The following ARHGAP5 variants were observed in gnomAD, a reference collection of about 807,000 sequenced individuals.
ARHGAP5 encodes rho GTPase-activating protein 5.
ARHGAP5 carries 23 observed loss-of-function variants against 116.6 expected under a neutral mutation model. That is an observed-to-expected ratio of 0.20 (90% CI 0.14 to 0.28). The LOEUF (loss-of-function observed/expected upper bound fraction) is 0.28. ARHGAP5 is among the 10% of genes least tolerant of loss of function. ARHGAP5 has a pLI of 1.00. For missense variants in ARHGAP5, 1,405 were observed against 1,774.8 expected (o/e 0.79, Z 3.74); for synonymous variants, 574 against 602.0 (o/e 0.95, Z 0.68).
rs769651926 is a variant in ARHGAP5 at position 32,093,219 on chromosome 14, G to T, written c.2550G>T (p.Gly850=). The part of the protein sequence containing the change: ...IGVRKDELVH[G]YILVYSAKRK... ...TAAGAAAAGATGAACTAGTTCATGG[G>T]TATATATTAGTTTACTCTGCAAAAC... Residue 850 remains glycine, a synonymous_variant, in exon 2 of 7, where the codon GGG becomes GGT. Coordinates refer to ENST00000345122, the MANE Select transcript of ARHGAP5 (RefSeq NM_001030055.2). The T allele has an allele frequency of 1.9e-6, 3 of 1,613,948 alleles. No homozygotes were observed. Among genetic ancestry groups the T allele is most frequent in the Non-Finnish European group, 2.5e-6 (3 of 1,179,916 alleles).
At position 32,154,825 on chromosome 14, in the gene ARHGAP5, T is replaced by C. The variant is rs1337570420; in HGVS notation, c.4386T>C (p.Ala1462=). 1 of 1,614,026 alleles carries C rather than the reference T, an allele frequency of 6.2e-7. No individual in the cohort carries two copies. Among genetic ancestry groups the C allele is most frequent in the Non-Finnish European group, 8.5e-7 (1 of 1,180,022 alleles). ...TTGTAGAAACGACAAACATTGTGGC[T>C]CCTCCACCACCTTCAAACCCAGGAC... is the stretch of plus-strand genomic sequence containing the variant. ...GEIVETTNIV[A]PPPPSNPGQL... is the part of the protein sequence containing the mutation. Residue 1462 remains alanine, a synonymous_variant, in exon 7 of 7, where the codon GCT becomes GCC. Transcript: ENST00000345122.
chr14:32,118,102 A>T (rs978629429), intron 3 of ARHGAP5, among the ~76,000 whole-genome samples: 1 of 152,228 alleles, frequency 6.6e-6, no homozygotes, highest in Admixed American at 6.5e-5. Context: ...TCGCTAAAAA[A>T]TCATGCTCAT....
intron 3 of ARHGAP5, among the ~76,000 whole-genome samples, chr14:32,130,869 T>A (rs1469407065): frequency 6.6e-6 from 1 of 152,192 alleles, no homozygotes; most frequent in East Asian, 1.9e-4. Context: ...TTTTGGGACC[T>A]TTAGAAATGT....
In ARHGAP5 at chr14:32,101,031, T is replaced by C. The variant is rs11846437; in HGVS notation, c.3717+6645T>C. Reference sequence around the variant, plus strand: ...ATACTTGGTGAATTTTATGGTGTATTAGTATAAGCTGGTATTCAGATGATT... The same window carrying C: ...ATACTTGGTGAATTTTATGGTGTATCAGTATAAGCTGGTATTCAGATGATT... On this transcript the variant is annotated intron_variant, in intron 2 of 6. Transcript: ENST00000345122. Among the ~76,000 whole-genome samples, 1,286 of 152,352 alleles carry C rather than the reference T, an allele frequency of 8.4e-3. 11 individuals carry two copies. Among genetic ancestry groups the C allele is most frequent in the African/African-American group, 0.023 (961 of 41,578 alleles).
At chr14:32,120,574 AT>A (rs1339190319) in intron 3 of ARHGAP5, among the ~76,000 whole-genome samples, 1 of 146,030 alleles carries the variant, frequency 6.8e-6, no homozygotes, top group Non-Finnish European at 1.5e-5. Context: ...GCTGTGTTCC[AT>A]TTTTGTTTAA....
Position 32,152,605 on chromosome 14 carries a change from A to T in ARHGAP5, c.4181+77A>T, listed in dbSNP as rs1024424622. ...CAAACATGTAAATTTTATAAATTGGATAATTATCAGATAGAAAAGGGGACT... is the reference window on the plus strand; with the variant it reads ...CAAACATGTAAATTTTATAAATTGGTTAATTATCAGATAGAAAAGGGGACT... On this transcript the variant is annotated intron_variant, in intron 6 of 6. Coordinates refer to ENST00000345122, the MANE Select transcript of ARHGAP5 (RefSeq NM_001030055.2). The T allele has an allele frequency of 8.9e-6, 7 of 782,230 alleles. No individual in the cohort carries two copies. In the African/African-American group the frequency reaches 1.1e-4, roughly 12 times the overall value. 48.5% of individuals were successfully genotyped at this position (782,230 alleles called of 1,614,324 possible).
rs2041714543 is a variant in ARHGAP5, at chr14:32,077,359, C to T, written c.-245C>T. The T allele has an allele frequency of 5.7e-6, 4 of 698,710 alleles. No individual in the cohort carries two copies. The highest frequency in any genetic ancestry group is 1.0e-5 in the Non-Finnish European group (4 of 383,784). 43.3% of individuals were successfully genotyped at this position (698,710 alleles called of 1,614,324 possible). A position where few individuals can be genotyped will look rare whatever the true frequency, so the allele number is the denominator to read the frequency against. Reference sequence around the variant, plus strand: ...GGAGGCGGCGGCGGCGGGAGCGGTCCCCAGGAATGTCGCTGCCGCCGCCAC... The same window carrying T: ...GGAGGCGGCGGCGGCGGGAGCGGTCTCCAGGAATGTCGCTGCCGCCGCCAC... On this transcript the variant is annotated 5_prime_UTR_variant, in exon 1 of 7. Transcript: ENST00000345122.
intron 1 of ARHGAP5, among the ~76,000 whole-genome samples, chr14:32,083,926 A>G (rs2041803611): frequency 6.6e-6 from 1 of 152,212 alleles, no homozygotes; most frequent in African/African-American, 2.4e-5. Context: ...TTATACATTG[A>G]AAATCTCTGA....
In ARHGAP5 at chr14:32,159,409, T is replaced by C. The variant is rs1299826415; in HGVS notation, c.*4461T>C. 1 of 152,156 alleles carries C rather than the reference T, an allele frequency of 6.6e-6. No individual in the cohort carries two copies. Among genetic ancestry groups the C allele is most frequent in the African/African-American group, 2.4e-5 (1 of 41,422 alleles). 9.4% of individuals were successfully genotyped at this position (152,156 alleles called of 1,614,324 possible). On this transcript the variant is annotated 3_prime_UTR_variant, in exon 7 of 7. Transcript: ENST00000345122. ...TAATATTTTAGTTAAGATTTAGTGT[T>C]TTAACCTATTTTTTTAAGTTTATTT...
rs895254483 is a variant in ARHGAP5, at chr14:32,077,357, T to A, written c.-247T>A. 1 of 578,358 alleles carries A rather than the reference T, an allele frequency of 1.7e-6. No homozygotes were observed. Among genetic ancestry groups the A allele is most frequent in the African/African-American group, 1.9e-5 (1 of 51,554 alleles). The allele number at this position is 578,358 out of a possible 1,614,324, so 35.8% of individuals were successfully genotyped here. On this transcript the variant is annotated 5_prime_UTR_variant, in exon 1 of 7. Coordinates refer to ENST00000345122, the MANE Select transcript of ARHGAP5 (RefSeq NM_001030055.2). ...GAGGAGGCGGCGGCGGCGGGAGCGGTCCCCAGGAATGTCGCTGCCGCCGCC... is the reference window on the plus strand; with the variant it reads ...GAGGAGGCGGCGGCGGCGGGAGCGGACCCCAGGAATGTCGCTGCCGCCGCC...
chr14:32,124,548 G>T (rs1278081840), intron 3 of ARHGAP5, among the ~76,000 whole-genome samples: 1 of 152,136 alleles, frequency 6.6e-6, no homozygotes, highest in African/African-American at 2.4e-5. Context: ...TAATAAGGAT[G>T]ATAAACCTGA....
intron 6 of ARHGAP5, 37 bp downstream of exon 6, chr14:32,152,565 A>C: frequency 8.7e-7 from 1 of 1,144,428 alleles, no homozygotes; most frequent in Non-Finnish European, 1.3e-6. Flanking sequence ...GGCAAATAAA[A>C]TGCACTACAC....
intron 1 of ARHGAP5, among the ~76,000 whole-genome samples, chr14:32,084,785 A>G (rs573346317): frequency 2.0e-4 from 30 of 152,306 alleles, no homozygotes; most frequent in African/African-American, 5.8e-4. Context: ...CTGTGGTTCA[A>G]AGATGAAGTA....
chr14:32,095,199 A>G (rs1878458076), intron 2 of ARHGAP5, among the ~76,000 whole-genome samples: 1 of 152,100 alleles, frequency 6.6e-6, no homozygotes, highest in African/African-American at 2.4e-5. Flanking sequence ...AATTATCAAT[A>G]TTTATTTTCT....
At chr14:32,141,296 A>G (rs970687175) in intron 3 of ARHGAP5, among the ~76,000 whole-genome samples, 9 of 152,142 alleles carry the variant, frequency 5.9e-5, no homozygotes, top group Non-Finnish European at 8.8e-5. Flanking sequence ...GAGATTTCAA[A>G]TTATTTTCTT....
At chr14:32,141,037 C>T (rs1881100744) in intron 3 of ARHGAP5, among the ~76,000 whole-genome samples, 2 of 152,154 alleles carry the variant, frequency 1.3e-5, no homozygotes, top group Non-Finnish European at 1.5e-5. Context: ...CTGATGGAGT[C>T]TCCCTGTTAC....
intron 6 of ARHGAP5, among the ~76,000 whole-genome samples, chr14:32,153,406 CAAAAAAAAAAAAAAAAAAAAAAAAAAAA>C (rs771660350): frequency 1.3e-4 from 2 of 15,144 alleles, no homozygotes; most frequent in Non-Finnish European, 2.9e-4. Flanking sequence ...GACTCTGTCT[CAAAAAAAAAAAAAAAAAAAAAAAAAAAA>C]AAAAAAAAAA....
intron 3 of ARHGAP5, among the ~76,000 whole-genome samples, chr14:32,123,139 A>C (rs866844184): frequency 4.6e-5 from 7 of 152,016 alleles, no homozygotes; most frequent in South Asian, 2.1e-4. Context: ...AGTTTTCAGC[A>C]ATTTTATTAA....
At chr14:32,110,328 CT>C (rs559613072) in intron 2 of ARHGAP5, among the ~76,000 whole-genome samples, 421 of 140,964 alleles carry the variant, frequency 3.0e-3, no homozygotes, top group Middle Eastern at 3.6e-3. Context: ...ATTGCTTTTG[CT>C]TTTTTTTTTT....
Sources: gnomAD v4.1 joint callset for allele counts (sites outside exome capture counted in the v4.1 genomes callset) on GRCh38, gnomAD v4.1.1 for gene constraint, MANE v1.5 for transcripts, NCBI Gene and HGNC (gene_info 2026-07-23, HGNC 2026-07-21) for gene names.